WDR43: variants seen among roughly 807,000 people sequenced by gnomAD.
WDR43 encodes WD repeat domain 43.
Under a neutral mutation model 91.4 loss-of-function variants are expected in WDR43, and 13 were observed. That is an observed-to-expected ratio of 0.14 (90% CI 0.09 to 0.23). WDR43 has a LOEUF of 0.23. Among genes scored for constraint, WDR43 ranks in the 10% least tolerant of loss-of-function variants. WDR43 has a pLI of 1.00. For missense variants in WDR43, 780 were observed against 809.4 expected (o/e 0.96, Z 0.44); for synonymous variants, 331 against 287.9 (o/e 1.15, Z -1.51).
intron 3 of WDR43, among the ~76,000 whole-genome samples, chr2:28,910,336 A>G (rs941081238): frequency 1.3e-5 from 2 of 152,242 alleles, no homozygotes; most frequent in South Asian, 2.1e-4. Flanking sequence ...TATATGTTGA[A>G]TATTGAATGT....
At chr2:28,910,113 GA>G (rs1348799398) in intron 3 of WDR43, among the ~76,000 whole-genome samples, 1 of 152,216 alleles carries the variant, frequency 6.6e-6, no homozygotes, top group Non-Finnish European at 1.5e-5. Flanking sequence ...GTTAGAGCTT[GA>G]GAGTGCATAA....
chr2:28,934,116 A>G (rs1421816860), intron 11 of WDR43, among the ~76,000 whole-genome samples: 2 of 152,218 alleles, frequency 1.3e-5, no homozygotes, highest in African/African-American at 2.4e-5. Context: ...TCATCTAGCA[A>G]TATAAGTAAT....
intron 16 of WDR43, among the ~76,000 whole-genome samples, chr2:28,944,940 G>A (rs1043160715): frequency 6.6e-5 from 10 of 152,198 alleles, no homozygotes; most frequent in African/African-American, 2.4e-4. Flanking sequence ...CCTGGATTTG[G>A]TACATTTTCC....
At chr2:28,938,257 G>A (rs1671370861) in intron 14 of WDR43, among the ~76,000 whole-genome samples, 1 of 152,104 alleles carries the variant, frequency 6.6e-6, no homozygotes, top group Non-Finnish European at 1.5e-5. Flanking sequence ...ATACAGAAAG[G>A]AGAAAAGTTA....
At chr2:28,944,910 G>A (rs538787793) in intron 16 of WDR43, among the ~76,000 whole-genome samples, 53 of 152,316 alleles carry the variant, frequency 3.5e-4, no homozygotes, top group African/African-American at 1.3e-3. Context: ...ATAACAGGGC[G>A]CAATTTAAAA....
chr2:28,931,871 G>A (rs893508359), intron 11 of WDR43, among the ~76,000 whole-genome samples: 8 of 132,144 alleles, frequency 6.1e-5, no homozygotes, highest in African/African-American at 1.4e-4. Context: ...CCTTCCCCCC[G>A]CCCTTTTTTT....
rs183657136 is a variant in WDR43 at position 28,934,311 on chromosome 2, C to T, written c.1438-1210C>T. On this transcript the variant is annotated intron_variant, in intron 11 of 17. Coordinates refer to ENST00000407426, the MANE Select transcript of WDR43 (RefSeq NM_015131.3). ...ATACATTTAAAGGGACCCAAGGAGA[C>T]CCGAGGGTGATACAGTGTTTATTTT... Among the ~76,000 whole-genome samples the T allele has an allele frequency of 3.3e-4, 50 of 152,222 alleles. 1 individual carries two copies. Among genetic ancestry groups the T allele is most frequent in the Admixed American group, 3.1e-3 (48 of 15,302 alleles).
rs1553326538 is a variant in WDR43, at chr2:28,910,694, T to TAA, written c.486-1895_486-1894dup. 4.0e-5 allele frequency among the ~76,000 whole-genome samples: 6 copies of TAA among 148,364 alleles called. No individual in the cohort carries two copies. The South Asian group carries it at 6.3e-4, about 16-fold the overall frequency. ...GTGTGTGTAAATATATATATATATA[T>TAA]AATTATTATTTTTATTTTTTTTGAG... On this transcript the variant is annotated intron_variant, in intron 3 of 17. Transcript: ENST00000407426.
chr2:28,923,888 A>C (rs1671081627), intron 7 of WDR43, among the ~76,000 whole-genome samples: 1 of 152,126 alleles, frequency 6.6e-6, no homozygotes, highest in South Asian at 2.1e-4. Flanking sequence ...GAAGGATTTC[A>C]AGCAGAGGAT....
intron 6 of WDR43, among the ~76,000 whole-genome samples, chr2:28,919,181 C>G (rs1411065070): frequency 3.9e-5 from 6 of 152,096 alleles, no homozygotes; most frequent in Non-Finnish European, 8.8e-5. Flanking sequence ...TTGCCTGAGC[C>G]TGGGAGGTCG....
intron 11 of WDR43, among the ~76,000 whole-genome samples, chr2:28,935,091 A>G (rs993943773): frequency 6.6e-6 from 1 of 152,158 alleles, no homozygotes; most frequent in Non-Finnish European, 1.5e-5. Context: ...TTGGCATAAA[A>G]TTTTACCAAA....
Position 28,948,140 on chromosome 2 carries a change from T to C in WDR43, c.*1361T>C, listed in dbSNP as rs1365146848. ...CAGCTGCTGGTGTAATGTACAGTTA[T>C]ATTTGTCTATAAATGGAGCTGTTTA... On this transcript the variant is annotated 3_prime_UTR_variant, in exon 18 of 18. Transcript: ENST00000407426. 2 of 152,214 alleles carry C rather than the reference T, an allele frequency of 1.3e-5. No individual in the cohort carries two copies. The highest frequency in any genetic ancestry group is 2.9e-5 in the Non-Finnish European group (2 of 68,040). The allele number at this position is 152,214 out of a possible 1,614,324, so 9.4% of individuals were successfully genotyped here. A position where few individuals can be genotyped will look rare whatever the true frequency, so the allele number is the denominator to read the frequency against.
At chr2:28,905,212 G>A (rs1006236883) in intron 2 of WDR43, among the ~76,000 whole-genome samples, 1 of 152,142 alleles carries the variant, frequency 6.6e-6, no homozygotes, top group Non-Finnish European at 1.5e-5. Context: ...GCATACTAGG[G>A]GATAATGGAT....
At chr2:28,944,727 A>C (rs1671510036) in intron 16 of WDR43, among the ~76,000 whole-genome samples, 2 of 152,246 alleles carry the variant, frequency 1.3e-5, no homozygotes, top group South Asian at 4.1e-4. Context: ...TAGTAAGCAA[A>C]ATAAGGGTGG....
chr2:28,929,544 C>T (rs1333925291), intron 10 of WDR43, 35 bp from the exon 11 acceptor site: 13 of 1,476,218 alleles, frequency 8.8e-6, no homozygotes, highest in East Asian at 2.5e-5. Flanking sequence ...TAAGTCTTGT[C>T]TGGTAACACA....
chr2:28,903,784 G>A (rs72784089), intron 2 of WDR43, among the ~76,000 whole-genome samples: 10,871 of 152,108 alleles, frequency 0.071, 426 homozygotes, highest in East Asian at 0.099. Context: ...CTGCTCAGCT[G>A]CTGTGGCTGC....
intron 16 of WDR43, among the ~76,000 whole-genome samples, chr2:28,944,061 C>T (rs571705037): frequency 5.3e-5 from 8 of 152,132 alleles, no homozygotes; most frequent in Non-Finnish European, 1.0e-4. Flanking sequence ...ACTCTTTGAG[C>T]GGCTCATGAT....
chr2:28,907,335 G>A (rs1283887393), intron 3 of WDR43, among the ~76,000 whole-genome samples: 4 of 151,710 alleles, frequency 2.6e-5, no homozygotes, highest in Non-Finnish European at 5.9e-5. Flanking sequence ...GCAAGAGAGA[G>A]CCATTGGCCA....
At chr2:28,895,532 A>G (rs767018970) in intron 1 of WDR43, among the ~76,000 whole-genome samples, 9 of 151,926 alleles carry the variant, frequency 5.9e-5, no homozygotes, top group Non-Finnish European at 1.3e-4. Context: ...TGATTTTAAC[A>G]TCTGCTCGCC....
Sources: allele counts gnomAD v4.1 joint callset (sites outside exome capture counted in the v4.1 genomes callset), GRCh38; gene constraint gnomAD v4.1.1; transcripts MANE v1.5; gene names NCBI Gene and HGNC (gene_info 2026-07-23, HGNC 2026-07-21).